The following GATAD1 variants were observed in gnomAD, a reference collection of about 807,000 sequenced individuals.
GATAD1 encodes the protein GATA zinc finger domain-containing protein 1.
Under a neutral mutation model 26.5 loss-of-function variants are expected in GATAD1, and 12 were observed. That is an observed-to-expected ratio of 0.45 (90% CI 0.29 to 0.73). GATAD1 has a LOEUF of 0.73. Ranked by LOEUF, GATAD1 falls within the 30% of genes least tolerant of loss-of-function variation. The pLI is 0.10. For missense variants in GATAD1, 266 were observed against 342.1 expected, an observed-to-expected ratio of 0.78 and a Z score of 1.75; for synonymous variants, 129 against 133.1, an observed-to-expected ratio of 0.97 and a Z score of 0.21.
At chr7:92,477,831 C>A in the GATAD1 span, 1 of 170,780 alleles carries the variant, frequency 5.9e-6, no homozygotes, top group Non-Finnish European at 1.2e-5. Context: ...TGAGCAAAAG[C>A]TCAGCTCGAG....
intron 3 of GATAD1, among the ~76,000 whole-genome samples, chr7:92,451,945 C>G (rs1486493509): frequency 6.6e-6 from 1 of 152,222 alleles, no homozygotes; most frequent in African/African-American, 2.4e-5. Context: ...GTTCCTGGCT[C>G]TACAGCTTTA....
intron 3 of GATAD1, among the ~76,000 whole-genome samples, chr7:92,451,119 G>C (rs1390833608): frequency 6.6e-6 from 1 of 152,192 alleles, no homozygotes; most frequent in Non-Finnish European, 1.5e-5. Context: ...ACAGGATTTG[G>C]ACTAGTAGAG....
chr7:92,478,670 G>T, the GATAD1 span, among the ~76,000 whole-genome samples: 8 of 152,096 alleles, frequency 5.3e-5, no homozygotes, highest in Non-Finnish European at 1.5e-5. Flanking sequence ...AAGAGTAAAG[G>T]TTTTTGGAAA....
At chr7:92,476,116 T>C in the GATAD1 span, among the ~76,000 whole-genome samples, 2 of 152,204 alleles carry the variant, frequency 1.3e-5, no homozygotes, top group Non-Finnish European at 2.9e-5. Context: ...CTTTGTATGG[T>C]AATTAAGATT....
the GATAD1 span, chr7:92,470,317 G>A: frequency 1.3e-6 from 1 of 773,138 alleles, no homozygotes; most frequent in East Asian, 2.4e-5. Context: ...GCATGGAGGG[G>A]GTGCAGTGAG....
Position 92,447,665 on chromosome 7 carries a change from C to T in GATAD1, c.-65C>T, listed in dbSNP as rs983728509. The T allele has an allele frequency of 1.0e-4, 137 of 1,342,380 alleles. No individual in the cohort carries two copies. The highest frequency in any genetic ancestry group is 1.2e-4 in the Non-Finnish European group (130 of 1,045,628). The allele number at this position is 1,342,380 out of a possible 1,614,324, so 83.2% of individuals were successfully genotyped here. A position where few individuals can be genotyped will look rare whatever the true frequency, so the allele number is the denominator to read the frequency against. On this transcript the variant is annotated 5_prime_UTR_variant, in exon 1 of 5. Transcript: ENST00000287957. ...CGGGAGTGGCGGGCCGACCAGGGGG[C>T]GGCCGGGCTACCGTCCGCCATTCCC...
chr7:92,489,415 T>C, the GATAD1 span: 32 of 1,612,968 alleles, frequency 2.0e-5, no homozygotes, highest in Non-Finnish European at 2.7e-5. Context: ...GGTTCATGGA[T>C]TCGTCCTCCT....
chr7:92,451,588 G>A (rs1038609044), intron 3 of GATAD1, among the ~76,000 whole-genome samples: 14 of 152,084 alleles, frequency 9.2e-5, no homozygotes, highest in African/African-American at 1.2e-4. Flanking sequence ...CTATATAGTC[G>A]AAGTCTGTTC....
At chr7:92,464,521 C>T (rs564661519), downstream of GATAD1, among the ~76,000 whole-genome samples, 4 of 152,286 alleles carry the variant, frequency 2.6e-5, no homozygotes, top group Admixed American at 2.0e-4. Context: ...CACATTCAGG[C>T]CTACCACAGT....
the GATAD1 span, among the ~76,000 whole-genome samples, chr7:92,481,971 C>T: frequency 6.6e-6 from 1 of 152,026 alleles, no homozygotes; most frequent in Non-Finnish European, 1.5e-5. Context: ...AGGGGGATAC[C>T]CGATATCCTT....
chr7:92,494,549 C>T, the GATAD1 span: 5 of 1,613,744 alleles, frequency 3.1e-6, no homozygotes, highest in East Asian at 8.9e-5. Context: ...GTCTGTAACT[C>T]CTGTATTATC....
the GATAD1 span, among the ~76,000 whole-genome samples, chr7:92,484,041 A>G: frequency 6.6e-5 from 10 of 152,158 alleles, no homozygotes; most frequent in Non-Finnish European, 1.0e-4. Flanking sequence ...GTGTAAAAGA[A>G]TGCCTGGACG....
At chr7:92,461,265 T>C (rs1041154025), downstream of GATAD1, 1 of 152,200 alleles carries the variant, frequency 6.6e-6, no homozygotes, top group Non-Finnish European at 1.5e-5. Flanking sequence ...GAGACTGATG[T>C]AGGTTCAAGT....
chr7:92,473,525 C>G, the GATAD1 span, among the ~76,000 whole-genome samples: 1 of 152,004 alleles, frequency 6.6e-6, no homozygotes, highest in Non-Finnish European at 1.5e-5. Flanking sequence ...CTTCCTCAAG[C>G]AGGGGACAAC....
At chr7:92,484,741 G>A in the GATAD1 span, among the ~76,000 whole-genome samples, 116 of 152,340 alleles carry the variant, frequency 7.6e-4, no homozygotes, top group African/African-American at 2.6e-3. Flanking sequence ...TGGTTGGTCT[G>A]AGGACCCAAG....
At position 92,447,870 on chromosome 7, in the gene GATAD1, G is replaced by A; in HGVS notation, c.141G>A (p.Gly47=). The change falls in exon 1 of 5, where the codon GGG becomes GGA. Residue 47 remains glycine, a synonymous_variant. Coordinates refer to ENST00000287957, the MANE Select transcript of GATAD1 (RefSeq NM_021167.5). The part of the protein sequence containing the change: ...GGAGSGGAGS[G]AAGGTGGSGG... The stretch of plus-strand genomic sequence containing the variant: ...CGGGCAGCGGGGGCGCAGGCTCGGG[G>A]GCGGCTGGAGGGACTGGGGGCAGCG... The A allele has an allele frequency of 1.5e-6, 2 of 1,344,744 alleles. No homozygotes were observed. Among genetic ancestry groups the A allele is most frequent in the Non-Finnish European group, 1.9e-6 (2 of 1,045,704 alleles). 83.3% of individuals were successfully genotyped at this position (1,344,744 alleles called of 1,614,324 possible). A position where few individuals can be genotyped will look rare whatever the true frequency, so the allele number is the denominator to read the frequency against.
At chr7:92,494,027 A>G in the GATAD1 span, 4 of 399,304 alleles carry the variant, frequency 1.0e-5, no homozygotes, top group South Asian at 7.3e-5. Flanking sequence ...ATAATGTGAA[A>G]ATATAATACA....
the GATAD1 span, among the ~76,000 whole-genome samples, chr7:92,492,391 A>G: frequency 1.3e-5 from 2 of 152,186 alleles, no homozygotes; most frequent in African/African-American, 4.8e-5. Flanking sequence ...TTTGGTCTCA[A>G]ACTAGGCCCA....
chr7:92,453,230 C>A (rs1789514660), intron 3 of GATAD1, among the ~76,000 whole-genome samples: 1 of 152,180 alleles, frequency 6.6e-6, no homozygotes, highest in Non-Finnish European at 1.5e-5. Context: ...GCTGCCAAGT[C>A]CCTGTTTCAA....
Sources: allele counts gnomAD v4.1 joint callset (sites outside exome capture counted in the v4.1 genomes callset), GRCh38; gene constraint gnomAD v4.1.1; transcripts MANE v1.5; gene names NCBI Gene and HGNC (gene_info 2026-07-23, HGNC 2026-07-21).